The following NAALADL2 variants were observed in gnomAD, a reference collection of about 807,000 sequenced individuals.
NAALADL2 encodes inactive N-acetylated-alpha-linked acidic dipeptidase-like protein 2.
In NAALADL2, 76 loss-of-function variants were observed where a neutral mutation model predicts 87.2. The observed-to-expected ratio is 0.87, with a 90% CI of 0.72 to 1.05. The LOEUF (loss-of-function observed/expected upper bound fraction) is 1.05. Among genes scored for constraint, NAALADL2 ranks in the 50% least tolerant of loss-of-function variants. The pLI is 0.00. For missense variants in NAALADL2, 1,089 were observed against 945.8 expected, an observed-to-expected ratio of 1.15 and a Z score of -1.99; for synonymous variants, 354 against 331.0, an observed-to-expected ratio of 1.07 and a Z score of -0.75.
chr3:175,592,445 T>C (rs1038678667), intron 10 of NAALADL2, among the ~76,000 whole-genome samples: 7 of 152,224 alleles, frequency 4.6e-5, no homozygotes, highest in South Asian at 2.1e-4. Context: ...CATCTAGATT[T>C]TTGGTTTCTT....
intron 3 of NAALADL2, among the ~76,000 whole-genome samples, chr3:174,834,580 T>C (rs117126727): frequency 0.013 from 1,968 of 152,076 alleles, 36 homozygotes; most frequent in East Asian, 0.082. Flanking sequence ...CTACTAGAAC[T>C]AATAAGCAAA....
At chr3:174,551,706 A>C (rs546783374) in intron 2 of NAALADL2, among the ~76,000 whole-genome samples, 35 of 152,232 alleles carry the variant, frequency 2.3e-4, no homozygotes, top group Non-Finnish European at 2.9e-4. Context: ...TTTGCCACTT[A>C]AGAGTTTTAA....
At chr3:175,240,874 C>T (rs999404235) in intron 3 of NAALADL2, among the ~76,000 whole-genome samples, 4 of 152,038 alleles carry the variant, frequency 2.6e-5, no homozygotes, top group Admixed American at 1.3e-4. Context: ...AGGCTGGTCT[C>T]GAACTGGAAC....
At chr3:174,627,633 G>A (rs1034824463) in intron 2 of NAALADL2, among the ~76,000 whole-genome samples, 8 of 152,176 alleles carry the variant, frequency 5.3e-5, no homozygotes, top group Admixed American at 3.9e-4. Flanking sequence ...AAAGACACCT[G>A]CACGTGTATG....
At chr3:175,798,074 AGC>A (rs1753724512) in intron 13 of NAALADL2, among the ~76,000 whole-genome samples, 1 of 152,052 alleles carries the variant, frequency 6.6e-6, no homozygotes, top group Non-Finnish European at 1.5e-5. Flanking sequence ...GTAAGCAGGA[AGC>A]TAAGTGGTTT....
chr3:175,396,530 C>T (rs903909078), intron 5 of NAALADL2, among the ~76,000 whole-genome samples: 2 of 136,790 alleles, frequency 1.5e-5, no homozygotes, highest in Admixed American at 7.6e-5. Context: ...GCACACATAA[C>T]CAAATGGATT....
At chr3:175,234,249 A>G (rs1210011622) in intron 3 of NAALADL2, 45 bp downstream of exon 3, 1 of 1,564,076 alleles carries the variant, frequency 6.4e-7, no homozygotes, top group East Asian at 2.3e-5. Context: ...AGATGGAATT[A>G]GAAAATAACA....
intron 10 of NAALADL2, among the ~76,000 whole-genome samples, chr3:175,600,579 C>T (rs1210144033): frequency 8.3e-6 from 1 of 120,976 alleles, no homozygotes; most frequent in Non-Finnish European, 1.6e-5. Flanking sequence ...GCTCTGTCGC[C>T]CAGGCTGGAG....
At chr3:174,846,734 TAATG>T (rs555173874) in intron 3 of NAALADL2, among the ~76,000 whole-genome samples, 1 of 152,158 alleles carries the variant, frequency 6.6e-6, no homozygotes, top group Non-Finnish European at 1.5e-5. Flanking sequence ...AGTTAAATGT[TAATG>T]AAGGGTTTGG....
intron 9 of NAALADL2, among the ~76,000 whole-genome samples, chr3:175,478,607 A>T (rs1425430271): frequency 1.3e-5 from 2 of 151,940 alleles, no homozygotes; most frequent in Non-Finnish European, 2.9e-5. Context: ...GAAACTTGAA[A>T]TACTATTTAG....
intron 9 of NAALADL2, among the ~76,000 whole-genome samples, chr3:175,521,812 T>G (rs960121314): frequency 2.0e-5 from 3 of 152,140 alleles, no homozygotes; most frequent in African/African-American, 7.2e-5. Flanking sequence ...AGAGAAATGT[T>G]GGGATCCAGA....
chr3:175,679,229 T>C (rs141661536), intron 11 of NAALADL2, among the ~76,000 whole-genome samples: 1 of 151,458 alleles, frequency 6.6e-6, no homozygotes, highest in Non-Finnish European at 1.5e-5. Flanking sequence ...ATGGCTTAGC[T>C]TGGGCTCAGA....
chr3:174,665,563 A>T (rs1182499514), intron 2 of NAALADL2, among the ~76,000 whole-genome samples: 1 of 152,190 alleles, frequency 6.6e-6, no homozygotes, highest in East Asian at 1.9e-4. Context: ...AAGTGTTCAG[A>T]ATATCACTGC....
chr3:175,429,828 G>A lies in NAALADL2; in HGVS notation c.1091-17401G>A, dbSNP rs566378571. ...AAGAGGTCTTTAAGCCTTCCTTACA[G>A]AGTGAAAAAGAAATGTCACAGGGTA... On this transcript the variant is annotated intron_variant, in intron 5 of 13. Transcript: ENST00000454872. Among the ~76,000 whole-genome samples the A allele has an allele frequency of 1.3e-4, 19 of 151,954 alleles. 1 individual carries two copies. The South Asian group carries it at 3.7e-3, about 30-fold the overall frequency.
In NAALADL2 at chr3:175,452,866, A is replaced by G. The variant is rs116237482; in HGVS notation, c.1234+5494A>G. On this transcript the variant is annotated intron_variant, in intron 6 of 13. Coordinates refer to ENST00000454872, the MANE Select transcript of NAALADL2 (RefSeq NM_207015.3). ...GCGTAGGGGGGAACCTATTGTCCAA[A>G]GTCCACAGAAAGTAGAGTCAATTCT... is the stretch of plus-strand genomic sequence containing the variant. Among the ~76,000 whole-genome samples the G allele has an allele frequency of 4.9e-4, 75 of 152,260 alleles. 1 individual carries two copies. The highest frequency in any genetic ancestry group is 1.8e-3 in the African/African-American group (73 of 41,568).
At chr3:175,346,160 T>C (rs968155022) in intron 5 of NAALADL2, among the ~76,000 whole-genome samples, 4 of 152,110 alleles carry the variant, frequency 2.6e-5, no homozygotes, top group African/African-American at 9.7e-5. Context: ...ATAAATGAAA[T>C]ATATTCATTA....
intron 12 of NAALADL2, among the ~76,000 whole-genome samples, chr3:175,742,498 C>A (rs1027679233): frequency 1.3e-5 from 2 of 151,924 alleles, no homozygotes; most frequent in Non-Finnish European, 2.9e-5. Context: ...CCCGGGTTCA[C>A]GCCATTCTCC....
intron 1 of NAALADL2, among the ~76,000 whole-genome samples, chr3:174,480,195 G>A (rs953333397): frequency 2.6e-5 from 4 of 152,100 alleles, no homozygotes; most frequent in Admixed American, 6.6e-5. Flanking sequence ...ACAAGCAAAC[G>A]CTAAACAGAG....
At chr3:174,642,105 T>C (rs1028544515) in intron 2 of NAALADL2, among the ~76,000 whole-genome samples, 1 of 152,112 alleles carries the variant, frequency 6.6e-6, no homozygotes, top group African/African-American at 2.4e-5. Flanking sequence ...AATATTCACA[T>C]GAATGACAGT....
Sources: allele counts gnomAD v4.1 joint callset (sites outside exome capture counted in the v4.1 genomes callset), GRCh38; gene constraint gnomAD v4.1.1; transcripts MANE v1.5; gene names NCBI Gene and HGNC (gene_info 2026-07-23, HGNC 2026-07-21).